Variants in MEI4 observed in about 807,000 individuals in gnomAD.
MEI4 encodes meiosis-specific protein MEI4.
Under a neutral mutation model 31.4 loss-of-function variants are expected in MEI4, and 27 were observed. That is an observed-to-expected ratio of 0.86 (90% confidence interval 0.63 to 1.19). The LOEUF (loss-of-function observed/expected upper bound fraction) is 1.19. MEI4 is among the 50% of genes most tolerant of loss of function. The pLI is 0.00. For synonymous variants in MEI4, 122 were observed against 145.4 expected (o/e 0.84, Z 1.16); for missense variants, 329 against 398.9 (o/e 0.82, Z 1.49).
intron 4 of MEI4, among the ~76,000 whole-genome samples, chr6:77,901,456 ATGGT>A (rs1766187043): frequency 1.3e-5 from 2 of 151,874 alleles, no homozygotes; most frequent in Admixed American, 1.3e-4. Context: ...CATTTCCCTG[ATGGT>A]TGGTAATGTT....
rs775587336 is a variant in MEI4, at chr6:77,726,972, G to A, written c.233-34158G>A. 9.9e-5 allele frequency among the ~76,000 whole-genome samples: 15 copies of A among 152,102 alleles called. No individual in the cohort carries two copies. In the South Asian group the frequency reaches 2.7e-3, roughly 27 times the overall value. ...TATGTATATGCTATTTAATTACTTT[G>A]TTCTTTATAAGGACTAAAGATACTC... is the stretch of plus-strand genomic sequence containing the variant. On this transcript the variant is annotated intron_variant, in intron 2 of 4. Transcript: ENST00000684080.
intron 1 of MEI4, among the ~76,000 whole-genome samples, chr6:77,688,548 T>G (rs1320818232): frequency 6.6e-6 from 1 of 152,118 alleles, no homozygotes; most frequent in Non-Finnish European, 1.5e-5. Context: ...TCAGAACATT[T>G]AGTTAATCAG....
chr6:77,767,771 C>A (rs754457383), intron 3 of MEI4, among the ~76,000 whole-genome samples: 2 of 152,094 alleles, frequency 1.3e-5, no homozygotes, highest in Non-Finnish European at 2.9e-5. Context: ...TAGATAAACA[C>A]TTACTGAAAC....
chr6:77,696,842 A>G (rs1202891278), intron 2 of MEI4, among the ~76,000 whole-genome samples: 2 of 152,218 alleles, frequency 1.3e-5, no homozygotes, highest in Non-Finnish European at 2.9e-5. Flanking sequence ...AAGGAATGGT[A>G]CCAGCTCCTC....
At chr6:77,804,667 C>T (rs1376414033) in intron 3 of MEI4, among the ~76,000 whole-genome samples, 1 of 152,156 alleles carries the variant, frequency 6.6e-6, no homozygotes, top group Non-Finnish European at 1.5e-5. Flanking sequence ...GTTCTAGAAT[C>T]ATTTGACCAG....
At chr6:77,674,949 TTTTTC>T (rs1768813363) in intron 1 of MEI4, among the ~76,000 whole-genome samples, 1 of 151,684 alleles carries the variant, frequency 6.6e-6, no homozygotes, top group Non-Finnish European at 1.5e-5. Flanking sequence ...TTTAATACCT[TTTTTC>T]TTTTAACTGT....
chr6:77,763,657 A>G (rs969122102), intron 3 of MEI4, among the ~76,000 whole-genome samples: 1 of 152,188 alleles, frequency 6.6e-6, no homozygotes, highest in African/African-American at 2.4e-5. Flanking sequence ...CATTTCTTGT[A>G]GAGTCTTCCT....
At chr6:77,731,788 C>T (rs1197000708) in intron 2 of MEI4, among the ~76,000 whole-genome samples, 1 of 151,926 alleles carries the variant, frequency 6.6e-6, no homozygotes, top group African/African-American at 2.4e-5. Flanking sequence ...TTTAAACCAT[C>T]TTGAATTAAT....
At chr6:77,866,971 G>A (rs908444467) in intron 4 of MEI4, among the ~76,000 whole-genome samples, 5 of 152,174 alleles carry the variant, frequency 3.3e-5, no homozygotes, top group African/African-American at 9.7e-5. Context: ...AAGCAATGGG[G>A]AAAGGATTCC....
intron 2 of MEI4, among the ~76,000 whole-genome samples, chr6:77,726,375 A>T: frequency 6.6e-6 from 1 of 152,266 alleles, no homozygotes; most frequent in South Asian, 2.1e-4. Flanking sequence ...CAGCATATAT[A>T]TGTGGAAGAT....
chr6:77,711,840 C>T (rs546318504), intron 2 of MEI4, among the ~76,000 whole-genome samples: 1 of 152,232 alleles, frequency 6.6e-6, no homozygotes, highest in East Asian at 1.9e-4. Flanking sequence ...TGCTCTTCTT[C>T]AGTATTACCT....
At chr6:77,716,195 T>C (rs1462721702) in intron 2 of MEI4, among the ~76,000 whole-genome samples, 3 of 152,198 alleles carry the variant, frequency 2.0e-5, no homozygotes, top group African/African-American at 7.2e-5. Context: ...ACAGGTTTCA[T>C]GGGAGCCAAT....
In MEI4 at chr6:77,800,177, G is replaced by C. The variant is rs188666849; in HGVS notation, c.769-28754G>C. 3.0e-3 allele frequency among the ~76,000 whole-genome samples: 462 copies of C among 152,212 alleles called. 1 individual carries two copies. The highest frequency in any genetic ancestry group is 5.3e-3 in the Non-Finnish European group (358 of 68,020). On this transcript the variant is annotated intron_variant, in intron 3 of 4. Transcript: ENST00000684080. ...GTATCCTCTTTTATTTCATTGAGCA[G>C]TGGTTTATAGTTCTCCTTGAAGAGG...
intron 4 of MEI4, among the ~76,000 whole-genome samples, chr6:77,850,864 A>C (rs987994197): frequency 1.3e-5 from 2 of 152,114 alleles, no homozygotes; most frequent in African/African-American, 4.8e-5. Context: ...ACAGAATGGG[A>C]GAAAATTTCT....
intron 2 of MEI4, among the ~76,000 whole-genome samples, chr6:77,756,394 G>A (rs1462702024): frequency 6.6e-6 from 1 of 152,080 alleles, no homozygotes; most frequent in African/African-American, 2.4e-5. Flanking sequence ...GTGGTTTCCA[G>A]TATGGAAGCA....
chr6:77,824,684 G>A (rs570161080), intron 3 of MEI4, among the ~76,000 whole-genome samples: 1 of 151,766 alleles, frequency 6.6e-6, no homozygotes, highest in South Asian at 2.1e-4. Context: ...GTCTGACTTT[G>A]GACTCTACCC....
chr6:77,697,926 C>G (rs1013861473), intron 2 of MEI4, among the ~76,000 whole-genome samples: 2 of 152,136 alleles, frequency 1.3e-5, no homozygotes, highest in African/African-American at 4.8e-5. Context: ...TCACTCAGGA[C>G]TTGCTTTATG....
chr6:77,808,441 T>TAGAAATCA (rs1185851202), intron 3 of MEI4, among the ~76,000 whole-genome samples: 1 of 152,110 alleles, frequency 6.6e-6, no homozygotes, highest in African/African-American at 2.4e-5. Flanking sequence ...AGGTATAGAC[T>TAGAAATCA]AGAAATCAGT....
chr6:77,738,062 C>T (rs992005526), intron 2 of MEI4, among the ~76,000 whole-genome samples: 21 of 152,124 alleles, frequency 1.4e-4, no homozygotes, highest in Non-Finnish European at 2.9e-4. Context: ...AAGATGGGGA[C>T]ATCCACGAAA....
Sources: allele counts gnomAD v4.1 joint callset (sites outside exome capture counted in the v4.1 genomes callset), GRCh38; gene constraint gnomAD v4.1.1; transcripts MANE v1.5; gene names NCBI Gene and HGNC (gene_info 2026-07-23, HGNC 2026-07-21).